The following FGF18 variants were observed in gnomAD, a reference collection of about 807,000 sequenced individuals.
The protein encoded by FGF18 is fibroblast growth factor 18.
In FGF18, 5 loss-of-function variants were observed where a neutral mutation model predicts 23.0. That is an observed-to-expected ratio of 0.22 (90% CI 0.11 to 0.46). FGF18 has a LOEUF of 0.46. Ranked by LOEUF, FGF18 falls within the 20% of genes least tolerant of loss-of-function variation. The pLI, the probability that FGF18 is intolerant of heterozygous loss-of-function variation, is 0.99. For synonymous variants in FGF18, 117 were observed against 118.9 expected (o/e 0.98, Z 0.10); for missense variants, 180 against 291.6 (o/e 0.62, Z 2.79).
intron 2 of FGF18, 117 bp downstream of exon 2, chr5:171,420,560 T>C (rs1364711284): frequency 2.0e-6 from 2 of 1,005,614 alleles, no homozygotes; most frequent in Admixed American, 3.7e-5. Context: ...CTGAGCCCAG[T>C]GCACCTGTTC....
intron 2 of FGF18, among the ~76,000 whole-genome samples, chr5:171,432,606 A>C (rs539618172): frequency 1.3e-5 from 2 of 152,154 alleles, no homozygotes; most frequent in Non-Finnish European, 1.5e-5. Context: ...ACAGGGTTTC[A>C]GTATGTTAAG....
intron 2 of FGF18, among the ~76,000 whole-genome samples, chr5:171,420,934 C>T (rs1394383790): frequency 6.6e-6 from 1 of 152,230 alleles, no homozygotes; most frequent in Non-Finnish European, 1.5e-5. Context: ...CACACACAGA[C>T]ACACACACAT....
At chr5:171,426,104 T>C (rs1329131467) in intron 2 of FGF18, among the ~76,000 whole-genome samples, 10 of 152,166 alleles carry the variant, frequency 6.6e-5, no homozygotes, top group Non-Finnish European at 1.0e-4. Context: ...AGCTTCTGCA[T>C]GTGTACAATG....
At chr5:171,433,700 G>A (rs1461910981) in intron 2 of FGF18, among the ~76,000 whole-genome samples, 1 of 152,218 alleles carries the variant, frequency 6.6e-6, no homozygotes, top group Non-Finnish European at 1.5e-5. Context: ...GCCTCACTGG[G>A]CTGTGTGGTT....
rs987859532 is a variant in FGF18 at position 171,440,200 on chromosome 5, A to T, written c.250+3927A>T. 6.7e-6 allele frequency among the ~76,000 whole-genome samples: 1 copy of T among 148,822 alleles called. No homozygotes were observed. Among genetic ancestry groups the T allele is most frequent in the Non-Finnish European group, 1.5e-5 (1 of 67,310 alleles). Reference sequence around the variant, plus strand: ...CATTAAACCAGTACTAATAATCACCACCTGACCTCCTTACTATGGGTGTGT... The same window carrying T: ...CATTAAACCAGTACTAATAATCACCTCCTGACCTCCTTACTATGGGTGTGT... On this transcript the variant is annotated intron_variant, in intron 3 of 4. Transcript: ENST00000274625. The surrounding 1 kb of genome is among the most constrained non-coding windows in gnomAD (Gnocchi z 4.0).
At chr5:171,423,003 A>G (rs1257810289) in intron 2 of FGF18, among the ~76,000 whole-genome samples, 2 of 152,174 alleles carry the variant, frequency 1.3e-5, no homozygotes, top group African/African-American at 4.8e-5. Flanking sequence ...CTGCTGGGAA[A>G]TGGATGCGCC....
intron 1 of FGF18, 25 bp downstream of exon 1, chr5:171,420,256 C>T (rs753487158): frequency 6.3e-7 from 1 of 1,593,664 alleles, no homozygotes; most frequent in Non-Finnish European, 8.5e-7. Flanking sequence ...GCGGGGCTGC[C>T]CACCTTGCCT....
Position 171,420,425 on chromosome 5 carries a change from G to A in FGF18, c.51G>A (p.Leu17=). The A allele has an allele frequency of 6.2e-7, 1 of 1,613,848 alleles. No homozygotes were observed. Among genetic ancestry groups the A allele is most frequent in the Non-Finnish European group, 8.5e-7 (1 of 1,179,922 alleles). The change falls in exon 2 of 5, where the codon CTG becomes CTA. Residue 17 remains leucine (L), a synonymous_variant. Transcript: ENST00000274625. ...ACTCLCLHFL[L]LCFQVQVLVA... Reference sequence around the variant, plus strand: ...CCCGCAGGTGTTTACACTTCCTGCTGCTGTGCTTCCAGGTACAGGTACGTG... The same window carrying A: ...CCCGCAGGTGTTTACACTTCCTGCTACTGTGCTTCCAGGTACAGGTACGTG...
At chr5:171,447,522 G>A (rs997171094) in intron 3 of FGF18, among the ~76,000 whole-genome samples, 3 of 152,184 alleles carry the variant, frequency 2.0e-5, no homozygotes, top group African/African-American at 7.2e-5. Flanking sequence ...GCCTCCCCCT[G>A]TTTCTAGAGT....
chr5:171,456,955 T>G lies in FGF18; in HGVS notation c.*150T>G. ...GAAGACAAAAACTGAACCAAAACTC[T>G]TGGGGGGAGGGGTGATAAGGATTTT... On this transcript the variant is annotated 3_prime_UTR_variant, in exon 5 of 5. Coordinates refer to ENST00000274625, the MANE Select transcript of FGF18 (RefSeq NM_003862.3). This position sits in a 1 kb window ranked among gnomAD's most constrained non-coding sequence, Gnocchi z 6.1. 3.9e-5 allele frequency: 38 copies of G among 984,876 alleles called. No homozygotes were observed. Among genetic ancestry groups the G allele is most frequent in the Non-Finnish European group, 4.6e-5 (32 of 689,358 alleles). 61.0% of individuals were successfully genotyped at this position (984,876 alleles called of 1,614,324 possible). A position where few individuals can be genotyped will look rare whatever the true frequency, so the allele number is the denominator to read the frequency against.
At chr5:171,438,517 G>C (rs1211539372) in intron 3 of FGF18, among the ~76,000 whole-genome samples, 1 of 152,180 alleles carries the variant, frequency 6.6e-6, no homozygotes, top group Admixed American at 6.5e-5. Context: ...ACAAGTGCCT[G>C]GGCGGGGCCA....
Position 171,420,311 on chromosome 5 carries a change from C to T in FGF18, c.32+80C>T. 3.1e-6 allele frequency: 5 copies of T among 1,606,552 alleles called. No homozygotes were observed. In the Admixed American group the frequency reaches 6.7e-5, roughly 21 times the overall value. ...TGTGCCCTGTACCTCTGTCTGCCCG[C>T]CCGTCGGTTCACCTGACTCTTCGAC... On this transcript the variant is annotated intron_variant, in intron 1 of 4. Coordinates refer to ENST00000274625, the MANE Select transcript of FGF18 (RefSeq NM_003862.3).
chr5:171,451,425 C>G lies in FGF18; in HGVS notation c.357+2172C>G, dbSNP rs532601028. 8.7e-4 allele frequency among the ~76,000 whole-genome samples: 132 copies of G among 152,342 alleles called. No individual in the cohort carries two copies. The highest frequency in any genetic ancestry group is 2.9e-3 in the African/African-American group (122 of 41,586). ...TCTGGCTCCTGGGCTGCGGTCCTCT[C>G]CACAGCCTCCCTGCCCAGTCGTACC... On this transcript the variant is annotated intron_variant, in intron 4 of 4. Transcript: ENST00000274625. This position sits in a 1 kb window ranked among gnomAD's most constrained non-coding sequence, Gnocchi z 4.5.
intron 3 of FGF18, among the ~76,000 whole-genome samples, chr5:171,445,385 G>A (rs1772403851): frequency 6.6e-6 from 1 of 152,152 alleles, no homozygotes; most frequent in Non-Finnish European, 1.5e-5. Context: ...TTGAGATGGA[G>A]TCTCACTCTT....
chr5:171,449,634 G>T (rs564966615), intron 4 of FGF18, among the ~76,000 whole-genome samples: 1 of 152,182 alleles, frequency 6.6e-6, no homozygotes, highest in African/African-American at 2.4e-5. Context: ...TGGGAGCAAG[G>T]AACCGGCAGG....
At chr5:171,429,366 G>T (rs1772144646) in intron 2 of FGF18, among the ~76,000 whole-genome samples, 1 of 152,268 alleles carries the variant, frequency 6.6e-6, no homozygotes, top group Admixed American at 6.5e-5. Context: ...GCGGACATGG[G>T]CCCTGGCATG....
At chr5:171,441,547 G>C (rs557739071) in intron 3 of FGF18, among the ~76,000 whole-genome samples, 9 of 152,282 alleles carry the variant, frequency 5.9e-5, no homozygotes, top group Non-Finnish European at 7.3e-5. Context: ...ACCCACCCAG[G>C]CTTCTGTACG....
Position 171,430,421 on chromosome 5 carries a change from C to T in FGF18, c.70-5672C>T, listed in dbSNP as rs188299511. Among the ~76,000 whole-genome samples, 57 of 150,958 alleles carry T rather than the reference C, an allele frequency of 3.8e-4. No homozygotes were observed. In the East Asian group the frequency reaches 0.01, roughly 27 times the overall value. Reference sequence around the variant, plus strand: ...TTGTTCTGGGCATTACATAGGAAGACATCCCTCAAGAGATTCCTAGCACAG... The same window carrying T: ...TTGTTCTGGGCATTACATAGGAAGATATCCCTCAAGAGATTCCTAGCACAG... On this transcript the variant is annotated intron_variant, in intron 2 of 4. Transcript: ENST00000274625.
At position 171,451,182 on chromosome 5, in the gene FGF18, T is replaced by G. The variant is rs545590353; in HGVS notation, c.357+1929T>G. 6.6e-6 allele frequency among the ~76,000 whole-genome samples: 1 copy of G among 151,804 alleles called. No homozygotes were observed. Among genetic ancestry groups the G allele is most frequent in the South Asian group, 2.1e-4 (1 of 4,828 alleles). On this transcript the variant is annotated intron_variant, in intron 4 of 4. Transcript: ENST00000274625. This position sits in a 1 kb window ranked among gnomAD's most constrained non-coding sequence, Gnocchi z 4.5. ...TCATTAATATTGGTGACGGTTCAGC[T>G]GGCGCGGCGCACCCTGGCGCAGCGG... is the stretch of plus-strand genomic sequence containing the variant.
Sources: allele counts gnomAD v4.1 joint callset (sites outside exome capture counted in the v4.1 genomes callset), GRCh38; gene constraint gnomAD v4.1.1; non-coding constraint Gnocchi (gnomAD v3.1); transcripts MANE v1.5; gene names NCBI Gene and HGNC (gene_info 2026-07-23, HGNC 2026-07-21).